NAALADL2: variants seen among roughly 807,000 people sequenced by gnomAD.
The protein encoded by NAALADL2 is N-acetylated alpha-linked acidic dipeptidase like 2, also known as inactive N-acetylated-alpha-linked acidic dipeptidase-like protein 2.
A neutral mutation model predicts 87.2 loss-of-function variants in NAALADL2; 76 were observed. The observed-to-expected ratio is 0.87, with a 90% confidence interval of 0.72 to 1.05. The LOEUF is 1.05. Ranked by LOEUF, NAALADL2 falls within the 50% of genes least tolerant of loss-of-function variation. The pLI is 0.00. For missense variants in NAALADL2, 1,089 were observed against 945.8 expected, an observed-to-expected ratio of 1.15 and a Z score of -1.99; for synonymous variants, 354 against 331.0, an observed-to-expected ratio of 1.07 and a Z score of -0.75.
chr3:175,412,302 G>T (rs1713686498), intron 5 of NAALADL2, among the ~76,000 whole-genome samples: 1 of 152,116 alleles, frequency 6.6e-6, no homozygotes, highest in Non-Finnish European at 1.5e-5. Context: ...ATATAATTTT[G>T]TTGTGTTGGA....
intron 1 of NAALADL2, chr3:175,081,326 G>C (rs926252472): frequency 1.3e-5 from 2 of 152,124 alleles, no homozygotes; most frequent in Non-Finnish European, 2.9e-5. Flanking sequence ...TACACTTTGA[G>C]TACTAATTCA....
intron 9 of NAALADL2, among the ~76,000 whole-genome samples, chr3:175,556,568 G>A (rs907915134): frequency 9.2e-5 from 14 of 152,214 alleles, no homozygotes; most frequent in Admixed American, 6.5e-4. Context: ...TGGAAAGCTA[G>A]TATAGATTTC....
chr3:174,723,968 A>ATG lies in NAALADL2; in HGVS notation c.-114-13669_-114-13668dup, dbSNP rs536824489. 8.1e-3 allele frequency among the ~76,000 whole-genome samples: 1,232 copies of ATG among 152,088 alleles called. 11 individuals are homozygous for ATG. The highest frequency in any genetic ancestry group is 0.024 in the Middle Eastern group (7 of 294). ...TGATGACGTCTTTGAGCAAATATAT[A>ATG]TGTGTTTGTTCATAAGTTTTTTTGA... On this transcript the variant is annotated intron_variant, in intron 2 of 3. Transcript: ENST00000434257.
intron 1 of NAALADL2, among the ~76,000 whole-genome samples, chr3:175,088,858 A>G (rs1442478994): frequency 6.6e-6 from 1 of 152,188 alleles, no homozygotes; most frequent in Non-Finnish European, 1.5e-5. Context: ...CTCTTGACAC[A>G]CTTTGAAGCC....
intron 13 of NAALADL2, among the ~76,000 whole-genome samples, chr3:175,768,239 C>T (rs1236848279): frequency 6.6e-6 from 1 of 152,108 alleles, no homozygotes; most frequent in Admixed American, 6.6e-5. Context: ...TTCATATACT[C>T]GATGCATATC....
At chr3:174,801,771 ATATTT>A (rs1487549566) in intron 3 of NAALADL2, among the ~76,000 whole-genome samples, 2 of 142,000 alleles carry the variant, frequency 1.4e-5, no homozygotes, top group Non-Finnish European at 3.1e-5. Context: ...GCTTTATAAA[ATATTT>A]TAATATGATA....
intron 2 of NAALADL2, among the ~76,000 whole-genome samples, chr3:174,697,184 A>T (rs1729103562): frequency 6.6e-6 from 1 of 152,164 alleles, no homozygotes; most frequent in South Asian, 2.1e-4. Context: ...ACTTATTCTT[A>T]AAGAGTTTAT....
chr3:174,961,703 G>A (rs1283663291), intron 1 of NAALADL2, among the ~76,000 whole-genome samples: 1 of 151,952 alleles, frequency 6.6e-6, no homozygotes, highest in Admixed American at 6.6e-5. Context: ...CCATTTGAGG[G>A]GAGTAGAAGA....
intron 4 of NAALADL2, among the ~76,000 whole-genome samples, chr3:175,300,801 T>C (rs1306343876): frequency 6.9e-6 from 1 of 145,038 alleles, no homozygotes; most frequent in Admixed American, 6.8e-5. Flanking sequence ...TATTTTATTT[T>C]ATTTATTTTG....
chr3:174,948,027 A>G (rs571810243), intron 1 of NAALADL2, among the ~76,000 whole-genome samples: 1 of 152,250 alleles, frequency 6.6e-6, no homozygotes, highest in East Asian at 1.9e-4. Flanking sequence ...CACCTTTGAC[A>G]CGAAACTTGA....
intron 10 of NAALADL2, among the ~76,000 whole-genome samples, chr3:175,582,706 A>C (rs1264652769): frequency 2.0e-5 from 3 of 152,216 alleles, no homozygotes; most frequent in Non-Finnish European, 4.4e-5. Context: ...AGATGAATAA[A>C]ACATGCCCCT....
chr3:174,633,271 A>T (rs1432609175), intron 2 of NAALADL2, among the ~76,000 whole-genome samples: 1 of 152,206 alleles, frequency 6.6e-6, no homozygotes, highest in African/African-American at 2.4e-5. Flanking sequence ...AAATATAATT[A>T]TTCCTTAAAA....
At chr3:175,746,029 T>G (rs902386941) in intron 12 of NAALADL2, among the ~76,000 whole-genome samples, 2 of 152,188 alleles carry the variant, frequency 1.3e-5, no homozygotes, top group African/African-American at 4.8e-5. Context: ...CAAGCCAGAC[T>G]CAGCAGGAAA....
intron 9 of NAALADL2, among the ~76,000 whole-genome samples, chr3:175,506,169 AAAAATAAAAT>A (rs916439575): frequency 6.6e-6 from 1 of 152,180 alleles, no homozygotes; most frequent in African/African-American, 2.4e-5. Context: ...GGTGAAATGG[AAAAATAAAAT>A]AAAATAAAAT....
At chr3:175,488,843 T>C (rs796132139) in intron 9 of NAALADL2, among the ~76,000 whole-genome samples, 6 of 152,290 alleles carry the variant, frequency 3.9e-5, no homozygotes, top group African/African-American at 1.4e-4. Flanking sequence ...GCTGGAAGAT[T>C]TAGTCATGTA....
At chr3:174,873,728 G>T (rs1728145764) in intron 1 of NAALADL2, among the ~76,000 whole-genome samples, 1 of 151,650 alleles carries the variant, frequency 6.6e-6, no homozygotes, top group Admixed American at 6.6e-5. Context: ...TACTTATCCT[G>T]GGAATTATAT....
At chr3:174,641,968 A>G (rs763107404) in intron 2 of NAALADL2, among the ~76,000 whole-genome samples, 2 of 151,852 alleles carry the variant, frequency 1.3e-5, no homozygotes, top group African/African-American at 2.4e-5. Flanking sequence ...CATGTTGGCC[A>G]GGCTGGTCTC....
chr3:175,389,398 T>C (rs1768807860), intron 5 of NAALADL2, among the ~76,000 whole-genome samples: 1 of 152,212 alleles, frequency 6.6e-6, no homozygotes, highest in Non-Finnish European at 1.5e-5. Flanking sequence ...TATTTATTTA[T>C]TGTTCTGGCT....
chr3:175,649,695 T>C (rs1257579039), intron 11 of NAALADL2, among the ~76,000 whole-genome samples: 1 of 152,124 alleles, frequency 6.6e-6, no homozygotes, highest in Admixed American at 6.5e-5. Flanking sequence ...TACAGTAATC[T>C]CATCAGATCT....
Sources: allele counts gnomAD v4.1 joint callset (sites outside exome capture counted in the v4.1 genomes callset), GRCh38; gene constraint gnomAD v4.1.1; transcripts MANE v1.5; gene names NCBI Gene and HGNC (gene_info 2026-07-23, HGNC 2026-07-21).